Variants in MORN1 observed in about 807,000 individuals in gnomAD.
The protein encoded by MORN1 is MORN repeat containing 1, also known as MORN repeat-containing protein 1.
A neutral mutation model predicts 61.9 loss-of-function variants in MORN1; 67 were observed. That is an observed-to-expected ratio of 1.08 (90% CI 0.89 to 1.33). MORN1 has a LOEUF of 1.33. MORN1 is among the 40% of genes most tolerant of loss of function. The pLI, the probability that MORN1 is intolerant of heterozygous loss-of-function variation, is 0.00. For synonymous variants in MORN1, 301 were observed against 292.0 expected (o/e 1.03, Z -0.31); for missense variants, 752 against 691.2 (o/e 1.09, Z -0.99).
intron 12 of MORN1, among the ~76,000 whole-genome samples, chr1:2,327,535 AACACAGAAAC>A (rs1317664935): frequency 6.6e-6 from 1 of 152,136 alleles, no homozygotes; most frequent in Admixed American, 6.5e-5. Context: ...GACACAGAGA[AACACAGAAAC>A]ACACAGAAAC....
intron 6 of MORN1, chr1:2,379,104 C>A (rs1642313197): frequency 2.1e-6 from 1 of 471,032 alleles, no homozygotes; most frequent in African/African-American, 2.0e-5. Flanking sequence ...TTGCAGAAAA[C>A]ACACCTGCTG....
chr1:2,352,176 G>T, intron 10 of MORN1: 1 of 258,944 alleles, frequency 3.9e-6, no homozygotes. Flanking sequence ...AATAATAAAT[G>T]TATAGAGCAA....
chr1:2,323,829 T>A (rs1557864280), intron 13 of MORN1: 3 of 985,090 alleles, frequency 3.0e-6, no homozygotes, highest in Non-Finnish European at 3.6e-6. Flanking sequence ...CCCCGTGGCT[T>A]CCTCCTTTCT....
chr1:2,322,337 C>G (rs1640900777), intron 13 of MORN1: 1 of 985,336 alleles, frequency 1.0e-6, no homozygotes, highest in South Asian at 4.7e-5. Context: ...CGGGCTCACA[C>G]CAGGAATGCG....
In MORN1 at chr1:2,321,585, A is replaced by AG; in HGVS notation, c.1298-7dup. On this transcript the variant is annotated splice_polypyrimidine_tract_variant and splice_region_variant and intron_variant, in intron 13 of 13. Transcript: ENST00000378531. The stretch of plus-strand genomic sequence containing the variant: ...GATCATGAGCACGTACTCCCCTGCA[A>AG]GGGGCGGGTGGGCTGGTCCTCAGCA... The AG allele has an allele frequency of 6.7e-7, 1 of 1,483,334 alleles. No homozygotes were observed. Among genetic ancestry groups the AG allele is most frequent in the Non-Finnish European group, 9.0e-7 (1 of 1,113,298 alleles). 91.9% of individuals were successfully genotyped at this position (1,483,334 alleles called of 1,614,324 possible).
At chr1:2,342,857 ATTTTATTTTATTTATTTTAT>A (rs1641426046) in intron 10 of MORN1, among the ~76,000 whole-genome samples, 1 of 100,166 alleles carries the variant, frequency 1.0e-5, no homozygotes, top group African/African-American at 3.9e-5. Flanking sequence ...ATTTTATTTT[ATTTTATTTTATTTATTTTAT>A]TTTATTTTAT....
intron 12 of MORN1, among the ~76,000 whole-genome samples, chr1:2,325,273 C>G (rs1641000292): frequency 9.3e-6 from 1 of 107,300 alleles, no homozygotes; most frequent in Non-Finnish European, 1.8e-5. Context: ...CTCTGCCTCT[C>G]TTTCTCTCTC....
At chr1:2,344,695 C>A (rs1275240548) in intron 10 of MORN1, among the ~76,000 whole-genome samples, 3 of 152,196 alleles carry the variant, frequency 2.0e-5, no homozygotes, top group Non-Finnish European at 2.9e-5. Context: ...TGGGGCCCGG[C>A]CGCCCCAGTG....
intron 12 of MORN1, chr1:2,332,458 C>T (rs768288204): frequency 5.4e-5 from 20 of 373,330 alleles, no homozygotes; most frequent in African/African-American, 1.0e-4. Flanking sequence ...CCCCTGGCCC[C>T]GGACTCACTG....
At position 2,334,479 on chromosome 1, in the gene MORN1, C is replaced by T. The variant is rs1006503074; in HGVS notation, c.1250+1990G>A. 1.6e-4 allele frequency among the ~76,000 whole-genome samples: 25 copies of T among 152,152 alleles called. No individual in the cohort carries two copies. The highest frequency in any genetic ancestry group is 1.2e-4 in the Non-Finnish European group (8 of 68,032). On this transcript the variant is annotated intron_variant, in intron 12 of 13. Coordinates refer to ENST00000378531, the MANE Select transcript of MORN1 (RefSeq NM_024848.3). This position sits in a 1 kb window ranked among gnomAD's most constrained non-coding sequence, Gnocchi z 5.4. ...GATGGGAAAGACTCCCCAGGGTTTC[C>T]GCACCCAGAAGACGTAGTAAGGCCA... is the stretch of plus-strand genomic sequence containing the variant.
intron 10 of MORN1, among the ~76,000 whole-genome samples, chr1:2,353,700 C>G (rs886921034): frequency 6.6e-6 from 1 of 152,212 alleles, no homozygotes; most frequent in African/African-American, 2.4e-5. Context: ...CCCTAGGGGC[C>G]TGAGGGCTGT....
intron 8 of MORN1, among the ~76,000 whole-genome samples, chr1:2,363,811 A>AAAAAT (rs1199100386): frequency 0.026 from 3,478 of 134,738 alleles, 173 homozygotes; most frequent in African/African-American, 0.1. Flanking sequence ...CAAACAAAAA[A>AAAAAT]ATATATATAT....
At chr1:2,338,519 C>G (rs954366927) in intron 10 of MORN1, among the ~76,000 whole-genome samples, 1 of 152,186 alleles carries the variant, frequency 6.6e-6, no homozygotes, top group Non-Finnish European at 1.5e-5. Context: ...CCTAATCATG[C>G]GGACACCCTC....
chr1:2,322,851 G>T (rs1640913241), intron 13 of MORN1: 1 of 985,310 alleles, frequency 1.0e-6, no homozygotes, highest in African/African-American at 1.7e-5. Context: ...TGGCGTCCCG[G>T]CGGATGGGAA....
intron 1 of MORN1, chr1:2,390,338 T>C (rs1570063101): frequency 1.2e-6 from 1 of 857,870 alleles, no homozygotes; most frequent in East Asian, 1.2e-4. Flanking sequence ...TTGCAGGAGA[T>C]GAGTGAGCCA....
chr1:2,321,289 A>G lies in MORN1; in HGVS notation c.*94T>C, dbSNP rs555479931. Reference sequence around the variant, plus strand: ...GAGCATTTTATTCAAGCCAGCAACCACGGGGCTCTGGAGAATCGGGGAGCA... The same window carrying G: ...GAGCATTTTATTCAAGCCAGCAACCGCGGGGCTCTGGAGAATCGGGGAGCA... On this transcript the variant is annotated 3_prime_UTR_variant, in exon 14 of 14. Transcript: ENST00000378531. The G allele has an allele frequency of 3.9e-5, 39 of 990,592 alleles. No homozygotes were observed. The East Asian group carries it at 7.1e-4, about 18-fold the overall frequency. 61.4% of individuals were successfully genotyped at this position (990,592 alleles called of 1,614,324 possible).
At chr1:2,335,852 G>GCCCGGCCCGGCCCGGCC in intron 12 of MORN1, among the ~76,000 whole-genome samples, 1 of 136,242 alleles carries the variant, frequency 7.3e-6, no homozygotes, top group African/African-American at 3.8e-5. Flanking sequence ...CCAGCGCGCA[G>GCCCGGCCCGGCCCGGCC]CTGCCCCCAA....
intron 10 of MORN1, among the ~76,000 whole-genome samples, chr1:2,338,785 T>G (rs973542792): frequency 6.6e-6 from 1 of 152,184 alleles, no homozygotes; most frequent in South Asian, 2.1e-4. Context: ...TTGAAGAGCC[T>G]CCTTTGCCTG....
chr1:2,321,643 C>G, intron 13 of MORN1, 64 bp from the exon 14 acceptor site: 1 of 1,422,796 alleles, frequency 7.0e-7, no homozygotes, highest in Non-Finnish European at 9.2e-7. Context: ...TGGCCTCAGC[C>G]CACTGCCCAC....
Sources: gnomAD v4.1 joint callset for allele counts (sites outside exome capture counted in the v4.1 genomes callset) on GRCh38, gnomAD v4.1.1 for gene constraint, Gnocchi (gnomAD v3.1) non-coding constraint, MANE v1.5 for transcripts, NCBI Gene and HGNC (gene_info 2026-07-23, HGNC 2026-07-21) for gene names.